Variants in ABCA13 observed in about 807,000 individuals in gnomAD.
The protein encoded by ABCA13 is ATP binding cassette subfamily A member 13.
In ABCA13, 476 loss-of-function variants were observed where a neutral mutation model predicts 478.7. The observed-to-expected ratio is 0.99, with a 90% CI of 0.92 to 1.07. ABCA13 has a LOEUF of 1.07. Among genes scored for constraint, ABCA13 ranks in the 50% least tolerant of loss-of-function variants. ABCA13 has a pLI of 0.00. For missense variants in ABCA13, 6,060 were observed against 5,910.6 expected (o/e 1.03, Z -0.83); for synonymous variants, 2,252 against 2,158.9 (o/e 1.04, Z -1.20).
At chr7:48,233,781 A>G (rs931135645) in intron 7 of ABCA13, among the ~76,000 whole-genome samples, 1 of 152,150 alleles carries the variant, frequency 6.6e-6, no homozygotes, top group Non-Finnish European at 1.5e-5. Context: ...TATGTTTTAA[A>G]ATTATCTTCT....
chr7:48,511,573 G>A (rs987717469), intron 51 of ABCA13, among the ~76,000 whole-genome samples: 6 of 152,052 alleles, frequency 3.9e-5, no homozygotes, highest in African/African-American at 1.4e-4. Context: ...CAAGCTCTCT[G>A]GCATTTTTTC....
chr7:48,316,789 G>T (rs759646304), intron 26 of ABCA13, among the ~76,000 whole-genome samples: 10 of 152,176 alleles, frequency 6.6e-5, no homozygotes, highest in African/African-American at 2.4e-4. Context: ...GGAAGCAAGA[G>T]GGGGGAGGAG....
intron 33 of ABCA13, among the ~76,000 whole-genome samples, chr7:48,373,826 C>A (rs1454965878): frequency 1.3e-5 from 2 of 152,152 alleles, no homozygotes; most frequent in Admixed American, 6.5e-5. Context: ...TAAAAAATAT[C>A]TAACTCTGGT....
rs575583006 is a variant in ABCA13 at position 48,214,984 on chromosome 7, A to G, written c.288-4370A>G. Among the ~76,000 whole-genome samples, 16 of 152,292 alleles carry G rather than the reference A, an allele frequency of 1.1e-4. No homozygotes were observed. In the East Asian group the frequency reaches 3.1e-3, roughly 29 times the overall value. On this transcript the variant is annotated intron_variant, in intron 3 of 61. Coordinates refer to ENST00000435803, the MANE Select transcript of ABCA13 (RefSeq NM_152701.5). ...AAAGTCCTAGCTTTCAGCCCATCTC[A>G]GCTTTTAACATGCTTTCCTCACTAA...
chr7:48,384,731 A>G (rs1390838671), intron 35 of ABCA13, among the ~76,000 whole-genome samples: 2 of 152,206 alleles, frequency 1.3e-5, no homozygotes, highest in African/African-American at 2.4e-5. Flanking sequence ...AAGTACCACA[A>G]ACTGGGTGGC....
intron 27 of ABCA13, among the ~76,000 whole-genome samples, chr7:48,330,893 G>A (rs1252909311): frequency 1.3e-5 from 2 of 152,126 alleles, no homozygotes; most frequent in African/African-American, 2.4e-5. Flanking sequence ...GGGGAATCGG[G>A]GGATGCTGTA....
At chr7:48,459,693 A>G (rs1027556976) in intron 43 of ABCA13, among the ~76,000 whole-genome samples, 4 of 152,152 alleles carry the variant, frequency 2.6e-5, no homozygotes, top group Non-Finnish European at 5.9e-5. Flanking sequence ...CTGTACCTTT[A>G]GTTCCTGCCA....
At chr7:48,455,546 C>G (rs1673928435) in intron 43 of ABCA13, among the ~76,000 whole-genome samples, 1 of 152,086 alleles carries the variant, frequency 6.6e-6, no homozygotes, top group Non-Finnish European at 1.5e-5. Context: ...TGGCCGAGTC[C>G]CTGCGCGAAA....
In ABCA13 at chr7:48,646,645, C is replaced by G. The variant is rs1308752763; in HGVS notation, c.*1133C>G. 2 of 152,036 alleles carry G rather than the reference C, an allele frequency of 1.3e-5. No individual in the cohort carries two copies. The highest frequency in any genetic ancestry group is 2.9e-5 in the Non-Finnish European group (2 of 68,026). The allele number at this position is 152,036 out of a possible 1,614,324, so 9.4% of individuals were successfully genotyped here. The stretch of plus-strand genomic sequence containing the variant: ...CGCCATTCTCCTGCCTCAGCCTCCC[C>G]AGCAGCTGGGACTACAGGCACACAT... On this transcript the variant is annotated 3_prime_UTR_variant, in exon 62 of 62. Coordinates refer to ENST00000435803, the MANE Select transcript of ABCA13 (RefSeq NM_152701.5).
chr7:48,270,750 A>G (rs553455016), intron 16 of ABCA13, among the ~76,000 whole-genome samples: 3 of 152,340 alleles, frequency 2.0e-5, no homozygotes, highest in African/African-American at 7.2e-5. Flanking sequence ...TGTCTGTCCT[A>G]TGTCAGACAG....
Position 48,520,295 on chromosome 7 carries a change from G to A in ABCA13, c.14051+1G>A, listed in dbSNP as rs1295562677. The A allele has an allele frequency of 1.2e-6, 2 of 1,608,448 alleles. No individual in the cohort carries two copies. The highest frequency in any genetic ancestry group is 1.7e-5 in the Admixed American group (1 of 59,758). On this transcript the variant is annotated splice_donor_variant, in intron 53 of 61. Transcript: ENST00000435803. LOFTEE classifies it high-confidence loss of function. ...ACTGGGACCTTCTGCGATGGCCAAG[G>A]TGGGTTCTGAAGGACTCATCCTCGA...
At chr7:48,404,523 T>C (rs909041636) in intron 39 of ABCA13, 4 of 154,676 alleles carry the variant, frequency 2.6e-5, no homozygotes, top group Non-Finnish European at 4.3e-5. Context: ...TGTAGAGGCA[T>C]CAGTGGCAGG....
chr7:48,589,161 G>C (rs1287446276), intron 57 of ABCA13, among the ~76,000 whole-genome samples: 1 of 152,204 alleles, frequency 6.6e-6, no homozygotes, highest in African/African-American at 2.4e-5. Context: ...TTCTCTAGAA[G>C]TGGTTCATAT....
At chr7:48,574,936 A>G (rs1463165842) in intron 55 of ABCA13, among the ~76,000 whole-genome samples, 2 of 152,202 alleles carry the variant, frequency 1.3e-5, no homozygotes, top group Non-Finnish European at 2.9e-5. Context: ...CAATTTTGAT[A>G]ATAAAGCAAA....
chr7:48,362,404 T>C, intron 31 of ABCA13, among the ~76,000 whole-genome samples: 1 of 140,594 alleles, frequency 7.1e-6, no homozygotes, highest in East Asian at 2.1e-4. Context: ...ACTCTTCCTC[T>C]TCTTCTTTTT....
At chr7:48,171,799 AAAAC>A (rs910762716) in intron 1 of ABCA13, among the ~76,000 whole-genome samples, 27 of 152,264 alleles carry the variant, frequency 1.8e-4, no homozygotes, top group African/African-American at 3.4e-4. Context: ...AAAAATTCTA[AAAAC>A]AAACAAACAA....
chr7:48,477,896 T>TA (rs927853037), intron 45 of ABCA13, among the ~76,000 whole-genome samples: 2 of 151,450 alleles, frequency 1.3e-5, no homozygotes, highest in Non-Finnish European at 2.9e-5. Flanking sequence ...ATAATAATAA[T>TA]AAAAAAAAGA....
At chr7:48,296,254 G>A (rs543663125) in intron 21 of ABCA13, among the ~76,000 whole-genome samples, 1 of 152,100 alleles carries the variant, frequency 6.6e-6, no homozygotes, top group South Asian at 2.1e-4. Flanking sequence ...AAAAAAATTA[G>A]CAGGATTTGG....
intron 59 of ABCA13, 84 bp from the exon 60 acceptor site, chr7:48,643,204 C>T: frequency 1.2e-6 from 1 of 831,076 alleles, no homozygotes; most frequent in African/African-American, 1.7e-5. Flanking sequence ...TCCTTTTTCT[C>T]CCTCTGTGTG....
Sources: gnomAD v4.1 joint callset for allele counts (sites outside exome capture counted in the v4.1 genomes callset) on GRCh38, gnomAD v4.1.1 for gene constraint, MANE v1.5 for transcripts, NCBI Gene and HGNC (gene_info 2026-07-23, HGNC 2026-07-21) for gene names.